The following KDM4C variants were observed in gnomAD, a reference collection of about 807,000 sequenced individuals.
The protein encoded by KDM4C is lysine demethylase 4C, also known as lysine-specific demethylase 4C.
A neutral mutation model predicts 129.3 loss-of-function variants in KDM4C; 81 were observed. The observed-to-expected ratio is 0.63, with a 90% CI of 0.52 to 0.75. The LOEUF (loss-of-function observed/expected upper bound fraction) is 0.75. Among genes scored for constraint, KDM4C ranks in the 30% least tolerant of loss-of-function variants. The pLI is 0.00. For synonymous variants in KDM4C, 573 were observed against 456.1 expected, an observed-to-expected ratio of 1.26 and a Z score of -3.26; for missense variants, 1,457 against 1,304.0, an observed-to-expected ratio of 1.12 and a Z score of -1.81.
chr9:7,089,493 TTAA>T (rs1258737113), intron 17 of KDM4C, among the ~76,000 whole-genome samples: 1 of 152,248 alleles, frequency 6.6e-6, no homozygotes, highest in Non-Finnish European at 1.5e-5. Context: ...ATTTTTCTAC[TTAA>T]TAATACATTT....
chr9:6,838,638 A>G (rs964530782), intron 4 of KDM4C, among the ~76,000 whole-genome samples: 1 of 152,164 alleles, frequency 6.6e-6, no homozygotes, highest in African/African-American at 2.4e-5. Context: ...AACTTGCTAT[A>G]TGATGGTTGT....
chr9:7,054,943 G>C (rs1830669447), intron 17 of KDM4C, among the ~76,000 whole-genome samples: 1 of 152,126 alleles, frequency 6.6e-6, no homozygotes, highest in South Asian at 2.1e-4. Flanking sequence ...TGTCTGTTCT[G>C]ATTGCTGTCA....
chr9:6,861,922 C>T (rs1284468195), intron 5 of KDM4C, among the ~76,000 whole-genome samples: 1 of 151,956 alleles, frequency 6.6e-6, no homozygotes, highest in Non-Finnish European at 1.5e-5. Context: ...CAGGCATGTG[C>T]CACCATGCCT....
At chr9:7,174,190 A>G (rs1845229184) in intron 21 of KDM4C, among the ~76,000 whole-genome samples, 2 of 152,338 alleles carry the variant, frequency 1.3e-5, no homozygotes, top group Non-Finnish European at 2.9e-5. Context: ...GGTGGGGCAG[A>G]GGCCCAAAGC....
chr9:6,764,137 A>G (rs542540079), intron 1 of KDM4C, among the ~76,000 whole-genome samples: 4 of 152,318 alleles, frequency 2.6e-5, no homozygotes, highest in Non-Finnish European at 5.9e-5. Context: ...TCAAGCTTTT[A>G]TTACATTTTA....
At chr9:7,016,023 T>G (rs1384212067) in intron 15 of KDM4C, 94 bp downstream of exon 15, 1 of 790,946 alleles carries the variant, frequency 1.3e-6, no homozygotes, top group Non-Finnish European at 2.1e-6. Flanking sequence ...ATTGCTCAGG[T>G]GCTTATATGT....
chr9:7,085,306 T>A (rs7024887), intron 17 of KDM4C, among the ~76,000 whole-genome samples: 14,652 of 152,188 alleles, frequency 0.096, 873 homozygotes, highest in East Asian at 0.2. Flanking sequence ...AAACAAATGA[T>A]TTTTTTTCAG....
intron 19 of KDM4C, among the ~76,000 whole-genome samples, chr9:7,128,739 T>C (rs1840293669): frequency 6.6e-6 from 1 of 152,166 alleles, no homozygotes; most frequent in Non-Finnish European, 1.5e-5. Flanking sequence ...GGCATTTAAG[T>C]AGTTTCGTTA....
intron 12 of KDM4C, among the ~76,000 whole-genome samples, chr9:6,993,289 A>G (rs906670209): frequency 6.6e-6 from 1 of 152,158 alleles, no homozygotes; most frequent in South Asian, 2.1e-4. Context: ...AATATATACT[A>G]CATGTTTATA....
chr9:7,174,788 G>T lies in KDM4C; in HGVS notation c.*59G>T. On this transcript the variant is annotated 3_prime_UTR_variant, in exon 22 of 22. Transcript: ENST00000381309. ...TGGGTTGGAAGAGAGAAGATGAAGG[G>T]ACATCCTTGGGGCTGTGCCGTGAGT... 6.9e-7 allele frequency: 1 copy of T among 1,450,918 alleles called. No individual in the cohort carries two copies. The allele number at this position is 1,450,918 out of a possible 1,614,324, so 89.9% of individuals were successfully genotyped here.
At chr9:7,118,087 C>CTGT (rs1413362592) in intron 18 of KDM4C, among the ~76,000 whole-genome samples, 21 of 152,292 alleles carry the variant, frequency 1.4e-4, no homozygotes, top group African/African-American at 4.6e-4. Context: ...AGGGCCACTA[C>CTGT]CTCCGAGGTG....
chr9:6,748,052 C>T (rs1817937858), intron 1 of KDM4C, among the ~76,000 whole-genome samples: 1 of 151,786 alleles, frequency 6.6e-6, no homozygotes, highest in Non-Finnish European at 1.5e-5. Flanking sequence ...GTGGCATGCG[C>T]CTATGAGGGA....
intron 1 of KDM4C, among the ~76,000 whole-genome samples, chr9:6,743,735 G>A (rs1179054613): frequency 6.6e-6 from 1 of 151,946 alleles, no homozygotes; most frequent in Non-Finnish European, 1.5e-5. Context: ...TGGAACTCCT[G>A]GTCTCAAGCG....
intron 17 of KDM4C, among the ~76,000 whole-genome samples, chr9:7,080,845 C>A (rs957133384): frequency 6.6e-6 from 1 of 152,188 alleles, no homozygotes; most frequent in Admixed American, 6.5e-5. Context: ...TTCCAGAATT[C>A]TTCTGGGGAA....
intron 4 of KDM4C, among the ~76,000 whole-genome samples, chr9:6,829,437 G>T (rs1027086933): frequency 6.6e-6 from 1 of 152,240 alleles, no homozygotes; most frequent in African/African-American, 2.4e-5. Flanking sequence ...ATGAAACTCA[G>T]AGGTGAAAAG....
intron 5 of KDM4C, among the ~76,000 whole-genome samples, chr9:6,850,875 C>T (rs1838717824): frequency 6.6e-6 from 1 of 152,184 alleles, no homozygotes; most frequent in Non-Finnish European, 1.5e-5. Context: ...CTGCCTCAGC[C>T]TCCCGAGTAG....
chr9:6,854,445 A>T (rs982865280), intron 5 of KDM4C, among the ~76,000 whole-genome samples: 2 of 149,396 alleles, frequency 1.3e-5, no homozygotes, highest in African/African-American at 4.9e-5. Context: ...GAATTGCTTG[A>T]ATCTGGGAGG....
chr9:6,754,027 A>C (rs142040870), upstream of KDM4C, among the ~76,000 whole-genome samples: 362 of 151,754 alleles, frequency 2.4e-3, 1 homozygote, highest in African/African-American at 8.5e-3. Flanking sequence ...GGCACCTGCC[A>C]CTGTGCCTGG....
intron 1 of KDM4C, among the ~76,000 whole-genome samples, chr9:6,750,256 T>C (rs1818024385): frequency 6.6e-6 from 1 of 151,908 alleles, no homozygotes; most frequent in Non-Finnish European, 1.5e-5. Context: ...CTGACCAATA[T>C]GGTGGAACCC....
Sources: gnomAD v4.1 joint callset for allele counts (sites outside exome capture counted in the v4.1 genomes callset) on GRCh38, gnomAD v4.1.1 for gene constraint, MANE v1.5 for transcripts, NCBI Gene and HGNC (gene_info 2026-07-23, HGNC 2026-07-21) for gene names.